The following RASAL2 variants were observed in gnomAD, a reference collection of about 807,000 sequenced individuals.
RASAL2 encodes the protein ras GTPase-activating protein nGAP.
RASAL2 carries 58 observed loss-of-function variants against 128.9 expected under a neutral mutation model. The ratio of observed to expected loss-of-function variants is 0.45; its 90% CI spans 0.36 to 0.56. The LOEUF (loss-of-function observed/expected upper bound fraction) is 0.56. Ranked by LOEUF, RASAL2 falls within the 20% of genes least tolerant of loss-of-function variation. RASAL2 has a pLI of 0.00. For missense variants in RASAL2, 1,360 were observed against 1,601.6 expected, an observed-to-expected ratio of 0.85 and a Z score of 2.57; for synonymous variants, 561 against 580.8, an observed-to-expected ratio of 0.97 and a Z score of 0.49.
intron 1 of RASAL2, among the ~76,000 whole-genome samples, chr1:178,203,554 A>G (rs1381616029): frequency 1.3e-5 from 2 of 152,100 alleles, no homozygotes; most frequent in Admixed American, 6.5e-5. Context: ...CACTAGCACA[A>G]TTTTTGCTTC....
chr1:178,386,239 G>C (rs1672558606), intron 3 of RASAL2, among the ~76,000 whole-genome samples: 1 of 152,180 alleles, frequency 6.6e-6, no homozygotes, highest in South Asian at 2.1e-4. Context: ...TGTGTATGTT[G>C]AGGAAATGAT....
chr1:178,473,147 T>C lies in RASAL2; in HGVS notation c.3751T>C (p.Tyr1251His), dbSNP rs750080530. The C allele has an allele frequency of 1.8e-5, 29 of 1,614,118 alleles. No homozygotes were observed. The highest frequency in any genetic ancestry group is 2.3e-5 in the Non-Finnish European group (27 of 1,180,014). ...MSALTQVKER[Y>H]SMQVRNGISP... Reference sequence around the variant, plus strand: ...CGCGCTGACCCAAGTGAAGGAGCGGTACAGCATGCAGGTCCGCAATGGCAT... The same window carrying C: ...CGCGCTGACCCAAGTGAAGGAGCGGCACAGCATGCAGGTCCGCAATGGCAT... Residue 1251 changes from tyrosine (Y) to histidine (H), a missense_variant, in exon 18 of 18, where the codon TAC (tyrosine) becomes CAC (histidine). By Grantham distance (83) the Tyr-to-His change is moderately conservative. Around this residue, in one of 3 missense-constraint regions of RASAL2, gnomAD observed 741 missense variants for 868.6 expected, o/e 0.85. Transcript: ENST00000367649.
intron 1 of RASAL2, among the ~76,000 whole-genome samples, chr1:178,191,665 C>G: frequency 6.6e-6 from 1 of 152,200 alleles, no homozygotes; most frequent in Non-Finnish European, 1.5e-5. Context: ...CTTTCCCAAG[C>G]TGACTTGGGT....
rs570343664 is a variant in RASAL2, at chr1:178,351,502, T to C, written c.458-38598T>C. On this transcript the variant is annotated intron_variant, in intron 3 of 17. Coordinates refer to ENST00000367649, the MANE Select transcript of RASAL2 (RefSeq NM_170692.4). ...ATCCCAGCACTTTGGGAGGCCAAGG[T>C]GGGCGGATCACGAGGTCAGGAGATC... is the stretch of plus-strand genomic sequence containing the variant. Among the ~76,000 whole-genome samples, 6 of 152,090 alleles carry C rather than the reference T, an allele frequency of 3.9e-5. No individual in the cohort carries two copies. In the South Asian group the frequency reaches 8.3e-4, roughly 21 times the overall value.
At chr1:178,363,828 G>T (rs941609810) in intron 3 of RASAL2, among the ~76,000 whole-genome samples, 2 of 152,194 alleles carry the variant, frequency 1.3e-5, no homozygotes, top group African/African-American at 4.8e-5. Flanking sequence ...CGGGTGCGGT[G>T]GCTCACGCCT....
chr1:178,185,908 T>C (rs927442543), intron 1 of RASAL2, among the ~76,000 whole-genome samples: 1 of 152,154 alleles, frequency 6.6e-6, no homozygotes, highest in Admixed American at 6.6e-5. Flanking sequence ...ATAGATTGAA[T>C]TAGGAGTGTT....
chr1:178,456,613 C>T, intron 12 of RASAL2, 108 bp from the exon 13 acceptor site: 1 of 1,164,016 alleles, frequency 8.6e-7, no homozygotes, highest in Non-Finnish European at 1.3e-6. Flanking sequence ...ACTTACCCTT[C>T]CCTCCAACCT....
At chr1:178,249,229 TGTTC>T (rs1238031030) in intron 1 of RASAL2, among the ~76,000 whole-genome samples, 1 of 152,128 alleles carries the variant, frequency 6.6e-6, no homozygotes, top group Non-Finnish European at 1.5e-5. Flanking sequence ...TTGGAGGCTT[TGTTC>T]GTTCCTTTTC....
At chr1:178,332,121 A>G (rs764958354) in intron 3 of RASAL2, among the ~76,000 whole-genome samples, 5 of 152,212 alleles carry the variant, frequency 3.3e-5, no homozygotes, top group African/African-American at 1.2e-4. Context: ...GATTTTAATT[A>G]TGCAATAAAT....
chr1:178,293,807 G>A (rs561891262), intron 2 of RASAL2, among the ~76,000 whole-genome samples: 1 of 152,342 alleles, frequency 6.6e-6, no homozygotes, highest in South Asian at 2.1e-4. Context: ...AACACAGTAA[G>A]TATAATGACA....
chr1:178,097,080 T>C (rs191394644), intron 1 of RASAL2, among the ~76,000 whole-genome samples: 42 of 152,372 alleles, frequency 2.8e-4, no homozygotes, highest in African/African-American at 9.1e-4. Context: ...TAGGTTCTTC[T>C]CACAATTTAA....
At chr1:178,121,952 A>G (rs1272253208) in intron 1 of RASAL2, among the ~76,000 whole-genome samples, 2 of 151,892 alleles carry the variant, frequency 1.3e-5, no homozygotes, top group East Asian at 3.9e-4. Context: ...TTTTGGCTTT[A>G]GTCTTCCTGA....
At chr1:178,335,166 A>G (rs574525505) in intron 3 of RASAL2, among the ~76,000 whole-genome samples, 58 of 152,094 alleles carry the variant, frequency 3.8e-4, no homozygotes, top group African/African-American at 1.3e-3. Context: ...AAGAACTTAA[A>G]TTTTCCTTTG....
intron 3 of RASAL2, among the ~76,000 whole-genome samples, chr1:178,378,219 G>A (rs766893433): frequency 6.6e-5 from 10 of 151,678 alleles, no homozygotes; most frequent in South Asian, 4.2e-4. Flanking sequence ...GAAAAAGAAA[G>A]CTGGTGTAGC....
At chr1:178,164,126 G>T (rs1406356457) in intron 1 of RASAL2, among the ~76,000 whole-genome samples, 1 of 148,900 alleles carries the variant, frequency 6.7e-6, no homozygotes, top group Non-Finnish European at 1.5e-5. Context: ...CAACTTTTTT[G>T]TGTGTCTGAA....
At chr1:178,217,179 TAGTC>T (rs935057184) in intron 1 of RASAL2, among the ~76,000 whole-genome samples, 5 of 152,056 alleles carry the variant, frequency 3.3e-5, no homozygotes, top group Admixed American at 6.6e-5. Context: ...TTCTCCATGT[TAGTC>T]AGGCTGGTCT....
At chr1:178,124,514 T>A (rs1278858430) in intron 1 of RASAL2, among the ~76,000 whole-genome samples, 1 of 152,234 alleles carries the variant, frequency 6.6e-6, no homozygotes, top group Non-Finnish European at 1.5e-5. Flanking sequence ...GCAGTCCATA[T>A]TCTCTGTAGA....
chr1:178,251,377 G>A (rs979066595), intron 1 of RASAL2, among the ~76,000 whole-genome samples: 1 of 152,200 alleles, frequency 6.6e-6, no homozygotes, highest in African/African-American at 2.4e-5. Flanking sequence ...ATGTGGGAGT[G>A]TTGATGCTTC....
chr1:178,242,206 CATT>C, intron 1 of RASAL2, among the ~76,000 whole-genome samples: 1 of 152,282 alleles, frequency 6.6e-6, no homozygotes, highest in East Asian at 1.9e-4. Flanking sequence ...TTTTAAGTAT[CATT>C]GTCTTTGAAT....
Sources: allele counts gnomAD v4.1 joint callset (sites outside exome capture counted in the v4.1 genomes callset), GRCh38; gene constraint gnomAD v4.1.1; regional missense constraint gnomAD v4.1.1; transcripts MANE v1.5; gene names NCBI Gene and HGNC (gene_info 2026-07-23, HGNC 2026-07-21).